MLLT3: variants seen among roughly 807,000 people sequenced by gnomAD.
The protein encoded by MLLT3 is protein AF-9.
In MLLT3, 4 loss-of-function variants were observed where a neutral mutation model predicts 53.2. The observed-to-expected ratio is 0.08, with a 90% CI of 0.04 to 0.17. The LOEUF (loss-of-function observed/expected upper bound fraction) is 0.17. Among genes scored for constraint, MLLT3 ranks in the 10% least tolerant of loss-of-function variants. The pLI is 1.00. For missense variants in MLLT3, 569 were observed against 684.0 expected (o/e 0.83, Z 1.87); for synonymous variants, 283 against 230.6 (o/e 1.23, Z -2.06).
rs146469618 is a variant in MLLT3 at position 20,584,910 on chromosome 9, T to C, written c.193+35744A>G. ...ATGCACCAGCTCCTCCATTTACCTATTGAAGGACATCTTGATTGCTTCAAA... is the reference window on the plus strand; with the variant it reads ...ATGCACCAGCTCCTCCATTTACCTACTGAAGGACATCTTGATTGCTTCAAA... On this transcript the variant is annotated intron_variant, in intron 2 of 10. Coordinates refer to ENST00000380338, the MANE Select transcript of MLLT3 (RefSeq NM_004529.4). Among the ~76,000 whole-genome samples, 565 of 152,338 alleles carry C rather than the reference T, an allele frequency of 3.7e-3. 4 individuals carry two copies. Among genetic ancestry groups the C allele is most frequent in the African/African-American group, 0.013 (532 of 41,584 alleles).
At chr9:20,492,656 C>A (rs1448863294) in intron 2 of MLLT3, among the ~76,000 whole-genome samples, 1 of 151,692 alleles carries the variant, frequency 6.6e-6, no homozygotes, top group African/African-American at 2.4e-5. Context: ...TATAAGAGCA[C>A]AAAATAGTTA....
intron 2 of MLLT3, among the ~76,000 whole-genome samples, chr9:20,505,010 G>A (rs1161419901): frequency 6.6e-6 from 1 of 152,080 alleles, no homozygotes; most frequent in African/African-American, 2.4e-5. Context: ...AAAAAAAGAA[G>A]GGCTCACCAT....
At chr9:20,530,157 T>C (rs537342952) in intron 2 of MLLT3, among the ~76,000 whole-genome samples, 1 of 152,352 alleles carries the variant, frequency 6.6e-6, no homozygotes, top group East Asian at 1.9e-4. Context: ...TTACTTTGAT[T>C]AGTATGATGA....
chr9:20,391,370 A>T (rs2118721580), intron 5 of MLLT3, among the ~76,000 whole-genome samples: 1 of 152,364 alleles, frequency 6.6e-6, no homozygotes, highest in South Asian at 2.1e-4. Flanking sequence ...AAGGTAAACA[A>T]GATAAGGTAA....
chr9:20,575,713 A>G (rs1819636106), intron 2 of MLLT3, among the ~76,000 whole-genome samples: 1 of 152,190 alleles, frequency 6.6e-6, no homozygotes, highest in Non-Finnish European at 1.5e-5. Context: ...GACTTAAAAT[A>G]TTCAGTGTGG....
chr9:20,490,909 T>C (rs1229376205), intron 2 of MLLT3, among the ~76,000 whole-genome samples: 1 of 152,164 alleles, frequency 6.6e-6, no homozygotes, highest in Non-Finnish European at 1.5e-5. Flanking sequence ...AGTGGTTTAC[T>C]GTATATTCAA....
At chr9:20,536,092 C>T (rs1046548806) in intron 2 of MLLT3, among the ~76,000 whole-genome samples, 1 of 151,970 alleles carries the variant, frequency 6.6e-6, no homozygotes, top group African/African-American at 2.4e-5. Flanking sequence ...GCCAATCAAT[C>T]CATTAGAAAA....
intron 5 of MLLT3, among the ~76,000 whole-genome samples, chr9:20,379,578 T>G (rs1037966612): frequency 1.3e-5 from 2 of 152,132 alleles, no homozygotes; most frequent in Non-Finnish European, 2.9e-5. Context: ...GACTTAACAT[T>G]CCTCTGTTTT....
intron 2 of MLLT3, among the ~76,000 whole-genome samples, chr9:20,552,523 G>C (rs947921934): frequency 2.0e-5 from 3 of 150,934 alleles, no homozygotes; most frequent in African/African-American, 7.3e-5. Flanking sequence ...TGTTGTTATC[G>C]TTGTTGTTGT....
At chr9:20,413,666 C>T in intron 5 of MLLT3, 55 bp downstream of exon 5, 1 of 1,430,534 alleles carries the variant, frequency 7.0e-7, no homozygotes, top group Non-Finnish European at 9.4e-7. Context: ...ACAAAGCTAT[C>T]CAAAATAAAA....
intron 2 of MLLT3, among the ~76,000 whole-genome samples, chr9:20,586,627 A>T (rs1322517949): frequency 6.6e-6 from 1 of 152,142 alleles, no homozygotes; most frequent in Non-Finnish European, 1.5e-5. Flanking sequence ...AATTATTCAA[A>T]CTATGGCAGG....
chr9:20,514,762 T>C (rs548916500), intron 2 of MLLT3, among the ~76,000 whole-genome samples: 2 of 151,874 alleles, frequency 1.3e-5, no homozygotes, highest in African/African-American at 4.8e-5. Context: ...TTTGAGGAAA[T>C]CATTATGCCT....
intron 4 of MLLT3, among the ~76,000 whole-genome samples, chr9:20,439,788 T>C (rs891533340): frequency 1.3e-5 from 2 of 152,154 alleles, no homozygotes; most frequent in Non-Finnish European, 2.9e-5. Context: ...TACATAAAAA[T>C]ATAATGTGAA....
At chr9:20,553,344 A>G (rs1347064851) in intron 2 of MLLT3, among the ~76,000 whole-genome samples, 1 of 152,212 alleles carries the variant, frequency 6.6e-6, no homozygotes, top group African/African-American at 2.4e-5. Context: ...AGGAGGTAAT[A>G]GTTGTTGAGT....
chr9:20,598,922 G>C (rs1490752421), intron 2 of MLLT3, among the ~76,000 whole-genome samples: 3 of 152,142 alleles, frequency 2.0e-5, no homozygotes, highest in African/African-American at 7.2e-5. Context: ...TTAAGAAAGG[G>C]AAACAAAAAT....
At chr9:20,441,981 C>A (rs954859755) in intron 4 of MLLT3, among the ~76,000 whole-genome samples, 1 of 152,134 alleles carries the variant, frequency 6.6e-6, no homozygotes, top group African/African-American at 2.4e-5. Context: ...AAAGAGGCTT[C>A]CGTATCTTTT....
chr9:20,562,913 C>T (rs559161254), intron 2 of MLLT3, among the ~76,000 whole-genome samples: 1 of 152,280 alleles, frequency 6.6e-6, no homozygotes, highest in South Asian at 2.1e-4. Flanking sequence ...GGTCCCAGAG[C>T]ATTCTTTGCA....
chr9:20,360,947 C>T (rs1821307419), intron 7 of MLLT3, 106 bp from the exon 8 acceptor site: 1 of 959,614 alleles, frequency 1.0e-6, no homozygotes, highest in African/African-American at 1.6e-5. Context: ...TAACCCTTGA[C>T]AAGTTCATTT....
chr9:20,598,832 A>T (rs1213844395), intron 2 of MLLT3, among the ~76,000 whole-genome samples: 2 of 152,248 alleles, frequency 1.3e-5, no homozygotes, highest in African/African-American at 4.8e-5. Flanking sequence ...GCAAATCACA[A>T]CATAAGTTTC....
Sources: allele counts gnomAD v4.1 joint callset (sites outside exome capture counted in the v4.1 genomes callset), GRCh38; gene constraint gnomAD v4.1.1; transcripts MANE v1.5; gene names NCBI Gene and HGNC (gene_info 2026-07-23, HGNC 2026-07-21).